Variants in TARS1 observed in about 807,000 individuals in gnomAD.
TARS1 encodes threonine--tRNA ligase 1, cytoplasmic.
Under a neutral mutation model 97.7 loss-of-function variants are expected in TARS1, and 57 were observed. That is an observed-to-expected ratio of 0.58 (90% CI 0.47 to 0.73). The LOEUF is 0.73. TARS1 is among the 30% of genes least tolerant of loss of function. The probability of loss-of-function intolerance (pLI) is 0.00; values close to 1 mark genes in which losing one functional copy is unlikely to be tolerated. For missense variants in TARS1, 806 were observed against 888.3 expected, an observed-to-expected ratio of 0.91 and a Z score of 1.18; for synonymous variants, 312 against 293.7, an observed-to-expected ratio of 1.06 and a Z score of -0.64.
In TARS1 at chr5:33,459,725, G is replaced by A. The variant is rs371169686; in HGVS notation, c.1114G>A (p.Val372Ile). 1.0e-4 allele frequency: 166 copies of A among 1,613,996 alleles called. 2 individuals carry two copies. In the South Asian group the frequency reaches 1.8e-3, roughly 18 times the overall value. Residue 372 changes from valine (V) to isoleucine (I), a missense_variant, in exon 11 of 19, where the codon GTA becomes ATA. This residue lies in a region of TARS1 where 446 missense variants were observed against 511.0 expected (regional missense o/e 0.87). Coordinates refer to ENST00000265112, the MANE Select transcript of TARS1 (RefSeq NM_152295.5). ...SEYRKRGFQE[V>I]VTPNIFNSRL... ...ATATAGGAAAAGAGGATTCCAGGAG[G>A]TAGTCACCCCAAACATCTTCAACAG... is the stretch of plus-strand genomic sequence containing the variant.
In TARS1 at chr5:33,442,942, A is replaced by G. The variant is rs565452668; in HGVS notation, c.57+1799A>G. Among the ~76,000 whole-genome samples the G allele has an allele frequency of 4.6e-5, 7 of 152,256 alleles. 1 individual carries two copies. In the South Asian group the frequency reaches 6.2e-4, roughly 14 times the overall value. On this transcript the variant is annotated intron_variant, in intron 1 of 18. Transcript: ENST00000265112. ...TTTCCTTCCTCAAACCCAGTATCCT[A>G]TAGCCAATACTAATAACCCCTGTGC...
rs1302417936 is a variant in TARS1 at position 33,458,629 on chromosome 5, G to GT, written c.1048_1049insT (p.Ala350ValfsTer5). 1 of 1,613,492 alleles carries GT rather than the reference G, an allele frequency of 6.2e-7. No individual in the cohort carries two copies. Among genetic ancestry groups the GT allele is most frequent in the East Asian group, 2.2e-5 (1 of 44,830 alleles). On this transcript the variant is annotated frameshift_variant, in exon 10 of 19. Transcript: ENST00000265112. LOFTEE classifies it high-confidence loss of function. ...AAGTTGCTTTTTTCTGCCAAAAGGA[G>GT]CCTACATTTATAATGCACTTATTGA... is the stretch of plus-strand genomic sequence containing the variant.
rs201127807 is a variant in TARS1 at position 33,460,872 on chromosome 5, G to A, written c.1251-30G>A. On this transcript the variant is annotated intron_variant, in intron 11 of 18. Transcript: ENST00000265112. ...ATTACAGAAGCAGTTTTATTCTTAA[G>A]TGTCCGTGGACTTTTCTTTTTCTCT... The A allele has an allele frequency of 6.3e-5, 101 of 1,611,582 alleles. No individual in the cohort carries two copies. The African/African-American group carries it at 1.1e-3, about 17-fold the overall frequency.
In TARS1 at chr5:33,441,085, C is replaced by T; in HGVS notation, c.-2C>T. 2 of 1,614,216 alleles carry T rather than the reference C, an allele frequency of 1.2e-6. No individual in the cohort carries two copies. The highest frequency in any genetic ancestry group is 8.5e-7 in the Non-Finnish European group (1 of 1,180,048). On this transcript the variant is annotated 5_prime_UTR_variant, in exon 1 of 19. Coordinates refer to ENST00000265112, the MANE Select transcript of TARS1 (RefSeq NM_152295.5). ...GTTCTCTCATCGCTTCGTCGTTCGC[C>T]AATGTTTGAGGAGAAGGCCAGCAGT...
chr5:33,448,856 A>G (rs79877895), intron 3 of TARS1, 125 bp downstream of exon 3: 2 of 783,956 alleles, frequency 2.6e-6, no homozygotes, highest in African/African-American at 3.6e-5. Context: ...AATCTGTTTA[A>G]TTTTGCCTAC....
chr5:33,453,186 A>C, intron 3 of TARS1, 103 bp from the exon 4 acceptor site: 1 of 1,286,598 alleles, frequency 7.8e-7, no homozygotes, highest in Non-Finnish European at 1.0e-6. Flanking sequence ...ATCAATATAA[A>C]AAAACAATAT....
chr5:33,452,435 T>C (rs907356679), intron 3 of TARS1: 2 of 1,535,030 alleles, frequency 1.3e-6, no homozygotes, highest in Admixed American at 2.0e-5. Context: ...TCCTCTTTTC[T>C]TCCTGTGAGT....
chr5:33,459,893 T>C, intron 11 of TARS1, 32 bp downstream of exon 11: 1 of 1,592,828 alleles, frequency 6.3e-7, no homozygotes, highest in Admixed American at 1.7e-5. Flanking sequence ...CTACTGAAGA[T>C]TTTCACATGC....
At position 33,462,172 on chromosome 5, in the gene TARS1, G is replaced by A. The variant is rs747645814; in HGVS notation, c.1804G>A (p.Ala602Thr). ...CTTGGGATCAGTGGAAAGAATGATT[G>A]CTATCCTCACAGAAAACTATGGGGG... ...AILGSVERMI[A>T]ILTENYGGKW... Residue 602 changes from alanine (A) to threonine (T), a missense_variant, in exon 16 of 19, where the codon GCT (alanine) becomes ACT (threonine). By Grantham distance (58) the Ala-to-Thr change is moderately conservative (BLOSUM62 0). Transcript: ENST00000265112. 6.2e-7 allele frequency: 1 copy of A among 1,612,726 alleles called. No homozygotes were observed. The highest frequency in any genetic ancestry group is 1.9e-4 in the Middle Eastern group (1 of 5,216).
At chr5:33,446,764 G>T in intron 2 of TARS1, 1 of 1,287,566 alleles carries the variant, frequency 7.8e-7, no homozygotes, top group South Asian at 1.2e-5. Flanking sequence ...GGGTGGTGCA[G>T]GTGGGTAGGA....
intron 3 of TARS1, chr5:33,452,231 T>A: frequency 1.2e-6 from 1 of 800,192 alleles, no homozygotes; most frequent in Non-Finnish European, 2.1e-6. Flanking sequence ...TTCTTCACAG[T>A]GTAGAATGTT....
chr5:33,461,055 C>A lies in TARS1; in HGVS notation c.1404C>A (p.Ala468=). The change falls in exon 12 of 19, where the codon GCC becomes GCA. Residue 468 remains alanine (A), a synonymous_variant. Coordinates refer to ENST00000265112, the MANE Select transcript of TARS1 (RefSeq NM_152295.5). ...AGGATGATGCTCACATATTCTGTGCCATGGAGCAGGTATGAGACCCTGGGA... is the reference window on the plus strand; with the variant it reads ...AGGATGATGCTCACATATTCTGTGCAATGGAGCAGGTATGAGACCCTGGGA... ...FQQDDAHIFC[A]MEQIEDEIKG... 6.2e-7 allele frequency: 1 copy of A among 1,614,074 alleles called. No individual in the cohort carries two copies. Among genetic ancestry groups the A allele is most frequent in the Non-Finnish European group, 8.5e-7 (1 of 1,180,014 alleles).
Position 33,466,995 on chromosome 5 carries a change from G to T in TARS1, c.2023+10G>T. Reference sequence around the variant, plus strand: ...TATAACTTCATTTTAGGTAAGAATGGAAACTTACCAAAGAAAATTTGCCAC... The same window carrying T: ...TATAACTTCATTTTAGGTAAGAATGTAAACTTACCAAAGAAAATTTGCCAC... On this transcript the variant is annotated intron_variant, in intron 18 of 18. Transcript: ENST00000265112. 6.6e-7 allele frequency: 1 copy of T among 1,517,712 alleles called. No individual in the cohort carries two copies. Among genetic ancestry groups the T allele is most frequent in the South Asian group, 1.3e-5 (1 of 75,400 alleles). 94.0% of individuals were successfully genotyped at this position (1,517,712 alleles called of 1,614,324 possible). A position where few individuals can be genotyped will look rare whatever the true frequency, so the allele number is the denominator to read the frequency against.
chr5:33,466,790 C>T (rs2111610037), intron 17 of TARS1, 81 bp from the exon 18 acceptor site: 1 of 959,004 alleles, frequency 1.0e-6, no homozygotes, highest in Non-Finnish European at 1.5e-6. Context: ...AGTCCTGATC[C>T]CTGTGTTCAG....
chr5:33,449,313 A>ATG lies in TARS1; in HGVS notation c.329+586_329+587dup, dbSNP rs1489925281. On this transcript the variant is annotated intron_variant, in intron 3 of 18. Coordinates refer to ENST00000265112, the MANE Select transcript of TARS1 (RefSeq NM_152295.5). ...AAATAAGAGTTGGTAAAACATATAT[A>ATG]TGTGTATATATATACGCGTATATAT... Among the ~76,000 whole-genome samples, 89 of 143,068 alleles carry ATG rather than the reference A, an allele frequency of 6.2e-4. 1 individual carries two copies. The highest frequency in any genetic ancestry group is 1.7e-3 in the African/African-American group (64 of 37,292). 93.9% of individuals were successfully genotyped at this position (143,068 alleles called of 152,430 possible). A position where few individuals can be genotyped will look rare whatever the true frequency, so the allele number is the denominator to read the frequency against.
chr5:33,457,509 T>A lies in TARS1; in HGVS notation c.984+106T>A, dbSNP rs1362486197. ...CTAGGAATTTTGTTTTGAAGAGATG[T>A]TGTGGCTTTTTAGTAACTGGTGCTA... On this transcript the variant is annotated intron_variant, in intron 9 of 18. Transcript: ENST00000265112. 3 of 1,301,620 alleles carry A rather than the reference T, an allele frequency of 2.3e-6. No homozygotes were observed. In the East Asian group the frequency reaches 7.1e-5, roughly 31 times the overall value. The allele number at this position is 1,301,620 out of a possible 1,614,324, so 80.6% of individuals were successfully genotyped here. A position where few individuals can be genotyped will look rare whatever the true frequency, so the allele number is the denominator to read the frequency against.
Position 33,441,040 on chromosome 5 carries a change from C to A in TARS1, c.-47C>A. On this transcript the variant is annotated 5_prime_UTR_variant, in exon 1 of 19. Transcript: ENST00000265112. ...TCCCACCCGCCTCTTGGCTCCTCTC[C>A]TCTAGGCCGTCGCTTTCGGGTTCTC... The A allele has an allele frequency of 6.2e-7, 1 of 1,613,698 alleles. No homozygotes were observed. Among genetic ancestry groups the A allele is most frequent in the East Asian group, 2.2e-5 (1 of 44,880 alleles).
At chr5:33,454,832 T>C (rs1015192842) in intron 4 of TARS1, 113 bp from the exon 5 acceptor site, 1 of 1,306,512 alleles carries the variant, frequency 7.7e-7, no homozygotes, top group African/African-American at 1.5e-5. Flanking sequence ...TAGGATTTTA[T>C]ATATTGGGTT....
At chr5:33,446,780 A>G in intron 2 of TARS1, 1 of 1,279,768 alleles carries the variant, frequency 7.8e-7, no homozygotes, top group Non-Finnish European at 1.0e-6. Context: ...TAGGATTATA[A>G]TGATGCTTTA....
Sources: allele counts gnomAD v4.1 joint callset (sites outside exome capture counted in the v4.1 genomes callset), GRCh38; gene constraint gnomAD v4.1.1; regional missense constraint gnomAD v4.1.1; transcripts MANE v1.5; gene names NCBI Gene and HGNC (gene_info 2026-07-23, HGNC 2026-07-21).